Variants in CNTNAP2 observed in about 807,000 individuals in gnomAD.
The protein encoded by CNTNAP2 is contactin-associated protein-like 2.
In CNTNAP2, 98 loss-of-function variants were observed where a neutral mutation model predicts 155.2. The ratio of observed to expected loss-of-function variants is 0.63; its 90% CI spans 0.54 to 0.75. The LOEUF (loss-of-function observed/expected upper bound fraction) is 0.75, where lower values mean the gene tolerates loss of function less well. CNTNAP2 is among the 30% of genes least tolerant of loss of function. The pLI is 0.00. For synonymous variants in CNTNAP2, 651 were observed against 631.2 expected (o/e 1.03, Z -0.47); for missense variants, 1,727 against 1,688.1 (o/e 1.02, Z -0.40).
chr7:147,460,063 G>A (rs1797993511), intron 10 of CNTNAP2, among the ~76,000 whole-genome samples: 1 of 151,976 alleles, frequency 6.6e-6, no homozygotes, highest in South Asian at 2.1e-4. Context: ...GATGGGTGTA[G>A]CAAACCACCA....
intron 15 of CNTNAP2, among the ~76,000 whole-genome samples, chr7:148,083,006 G>C (rs1365598679): frequency 6.6e-6 from 1 of 152,016 alleles, no homozygotes; most frequent in African/African-American, 2.4e-5. Context: ...GGTGGTTGTA[G>C]AGAATGCACT....
At chr7:148,207,202 CTT>C (rs1380798214) in intron 18 of CNTNAP2, among the ~76,000 whole-genome samples, 1 of 152,236 alleles carries the variant, frequency 6.6e-6, no homozygotes, top group African/African-American at 2.4e-5. Flanking sequence ...CTATGGGACA[CTT>C]GAGGATGTGC....
chr7:148,318,936 A>C (rs138166906), intron 21 of CNTNAP2, among the ~76,000 whole-genome samples: 29 of 152,336 alleles, frequency 1.9e-4, no homozygotes, highest in African/African-American at 6.3e-4. Flanking sequence ...TCTGGCCTAC[A>C]TTTTCAAAGT....
At chr7:146,339,686 T>C (rs193123785) in intron 1 of CNTNAP2, among the ~76,000 whole-genome samples, 2 of 152,168 alleles carry the variant, frequency 1.3e-5, no homozygotes, top group African/African-American at 4.8e-5. Flanking sequence ...ATGGAAATTA[T>C]GAATAAACAA....
chr7:147,756,784 T>A (rs1797219039), intron 13 of CNTNAP2, among the ~76,000 whole-genome samples: 1 of 152,146 alleles, frequency 6.6e-6, no homozygotes, highest in Non-Finnish European at 1.5e-5. Flanking sequence ...TCAGGGCAAT[T>A]CCATCAAATC....
intron 8 of CNTNAP2, among the ~76,000 whole-genome samples, chr7:147,263,988 AT>A (rs1804550749): frequency 1.3e-5 from 2 of 152,278 alleles, no homozygotes; most frequent in Middle Eastern, 6.8e-3. Context: ...ACTGTCTTGC[AT>A]TTTCCTAGCA....
chr7:147,028,918 C>A (rs1798972890), intron 3 of CNTNAP2, among the ~76,000 whole-genome samples: 1 of 149,520 alleles, frequency 6.7e-6, no homozygotes, highest in African/African-American at 2.5e-5. Context: ...AAAGGAGAAG[C>A]AATCACAGAT....
chr7:146,638,227 A>G (rs987804507), intron 1 of CNTNAP2, among the ~76,000 whole-genome samples: 1 of 152,302 alleles, frequency 6.6e-6, no homozygotes, highest in East Asian at 1.9e-4. Flanking sequence ...ATGAACTGAC[A>G]GTGACTTAAA....
chr7:146,794,312 A>T (rs776766232), intron 2 of CNTNAP2, among the ~76,000 whole-genome samples: 73 of 152,262 alleles, frequency 4.8e-4, no homozygotes, highest in Non-Finnish European at 7.8e-4. Flanking sequence ...ACAGTAAAAA[A>T]GTCTGTCCAA....
intron 1 of CNTNAP2, among the ~76,000 whole-genome samples, chr7:146,146,956 C>G (rs1295792854): frequency 6.6e-6 from 1 of 152,140 alleles, no homozygotes; most frequent in African/African-American, 2.4e-5. Flanking sequence ...AACAAACACA[C>G]AGTTCACTTA....
chr7:146,968,985 C>T (rs191267247), intron 3 of CNTNAP2, among the ~76,000 whole-genome samples: 47,201 of 141,352 alleles, frequency 0.33, 7,601 homozygotes, highest in Middle Eastern at 0.39. Flanking sequence ...GCTTTGAATG[C>T]GTCCCAGAGA....
chr7:147,439,699 T>C (rs1277214768), intron 10 of CNTNAP2, among the ~76,000 whole-genome samples: 1 of 152,058 alleles, frequency 6.6e-6, no homozygotes, highest in African/African-American at 2.4e-5. Context: ...CCAGCTGTTA[T>C]TGTACTGGGG....
chr7:146,948,041 G>A (rs10242007), intron 3 of CNTNAP2, among the ~76,000 whole-genome samples: 6,809 of 152,114 alleles, frequency 0.045, 177 homozygotes, highest in South Asian at 0.075. Context: ...CTTTGTTGAT[G>A]TTAGTGTATT....
chr7:146,639,099 A>G (rs1799661585), intron 1 of CNTNAP2, among the ~76,000 whole-genome samples: 1 of 152,224 alleles, frequency 6.6e-6, no homozygotes. Flanking sequence ...AGTTGACTGA[A>G]ACATCATTAG....
chr7:148,384,756 A>G (rs35935570), intron 22 of CNTNAP2, among the ~76,000 whole-genome samples: 53,257 of 152,010 alleles, frequency 0.35, 10,524 homozygotes, highest in East Asian at 0.66. Context: ...CCTGGATTCC[A>G]GCACCATCAC....
At chr7:147,889,882 A>G (rs1264578979) in intron 13 of CNTNAP2, among the ~76,000 whole-genome samples, 3 of 152,236 alleles carry the variant, frequency 2.0e-5, no homozygotes, top group Non-Finnish European at 4.4e-5. Context: ...CTATTAGAAA[A>G]TAAATATTTT....
At chr7:147,424,752 T>A (rs1797351612) in intron 10 of CNTNAP2, among the ~76,000 whole-genome samples, 1 of 152,196 alleles carries the variant, frequency 6.6e-6, no homozygotes, top group African/African-American at 2.4e-5. Context: ...AATACCAAAC[T>A]ACCATTAAAA....
intron 1 of CNTNAP2, among the ~76,000 whole-genome samples, chr7:146,182,556 G>C (rs1488864487): frequency 1.3e-5 from 2 of 152,042 alleles, no homozygotes; most frequent in Non-Finnish European, 2.9e-5. Flanking sequence ...TTCACAGCTT[G>C]TTACAACTGC....
intron 15 of CNTNAP2, among the ~76,000 whole-genome samples, chr7:148,116,198 G>GTT (rs1027223983): frequency 6.6e-6 from 1 of 151,612 alleles, no homozygotes; most frequent in Non-Finnish European, 1.5e-5. Flanking sequence ...ATTAAGAACA[G>GTT]TTTTTACCCT....
Sources: allele counts gnomAD v4.1 joint callset (sites outside exome capture counted in the v4.1 genomes callset), GRCh38; gene constraint gnomAD v4.1.1; transcripts MANE v1.5; gene names NCBI Gene and HGNC (gene_info 2026-07-23, HGNC 2026-07-21).